Variants in JARID2 observed in about 807,000 individuals in gnomAD.
JARID2 encodes the protein protein Jumonji.
JARID2 carries 21 observed loss-of-function variants against 125.6 expected under a neutral mutation model. The ratio of observed to expected loss-of-function variants is 0.17; its 90% CI spans 0.12 to 0.24. The LOEUF (loss-of-function observed/expected upper bound fraction) is 0.24, where lower values mean the gene tolerates loss of function less well. JARID2 is among the 10% of genes least tolerant of loss of function. The pLI is 1.00. For synonymous variants in JARID2, 736 were observed against 661.6 expected, an observed-to-expected ratio of 1.11 and a Z score of -1.73; for missense variants, 1,303 against 1,639.6, an observed-to-expected ratio of 0.79 and a Z score of 3.55.
At chr6:15,359,263 C>CA (rs1291060950) in intron 1 of JARID2, among the ~76,000 whole-genome samples, 1 of 152,156 alleles carries the variant, frequency 6.6e-6, no homozygotes, top group Non-Finnish European at 1.5e-5. Context: ...AGTCTCCCTG[C>CA]AAGTCGTAGG....
chr6:15,511,464 G>T (rs951943079), intron 13 of JARID2, 63 bp downstream of exon 13: 26 of 1,123,624 alleles, frequency 2.3e-5, no homozygotes, highest in Non-Finnish European at 3.0e-5. Flanking sequence ...CTTGAACATG[G>T]TTTCCCATGA....
chr6:15,497,162 C>T lies in JARID2; in HGVS notation c.1937C>T (p.Pro646Leu). The change falls in exon 7 of 18, where the codon CCG becomes CTG. Residue 646 changes from proline to leucine, a missense_variant. Around this residue, in one of 11 missense-constraint regions of JARID2, gnomAD observed 64 missense variants for 166.8 expected, o/e 0.38. Transcript: ENST00000341776. ...KSQGITMDEL[P>L]LIGGCELDLA... Reference sequence around the variant, plus strand: ...CAGGGCATCACCATGGACGAGCTCCCGCTCATAGGTAGGTCTGGGCGGGGG... The same window carrying T: ...CAGGGCATCACCATGGACGAGCTCCTGCTCATAGGTAGGTCTGGGCGGGGG... 1 of 1,547,308 alleles carries T rather than the reference C, an allele frequency of 6.5e-7. No homozygotes were observed.
intron 5 of JARID2, 115 bp downstream of exon 5, chr6:15,468,833 T>C: frequency 1.0e-6 from 1 of 993,654 alleles, no homozygotes; most frequent in Non-Finnish European, 1.5e-6. Context: ...TGGGTACTTC[T>C]CCAGGGCCAG....
intron 9 of JARID2, among the ~76,000 whole-genome samples, chr6:15,506,502 A>G (rs1416277892): frequency 6.6e-6 from 1 of 152,146 alleles, no homozygotes; most frequent in East Asian, 1.9e-4. Context: ...TCTTCCCTAA[A>G]TGTGGTTCCA....
intron 1 of JARID2, among the ~76,000 whole-genome samples, chr6:15,355,197 G>T (rs899228635): frequency 6.6e-6 from 1 of 152,170 alleles, no homozygotes; most frequent in African/African-American, 2.4e-5. Flanking sequence ...CCTGTACTTT[G>T]TATTGATAAG....
chr6:15,365,196 A>G (rs1016709221), intron 1 of JARID2, among the ~76,000 whole-genome samples: 4 of 152,252 alleles, frequency 2.6e-5, no homozygotes, highest in East Asian at 1.9e-4. Flanking sequence ...ACACTGGCCA[A>G]TAATTTATTT....
chr6:15,382,486 A>C (rs777411156), intron 2 of JARID2, among the ~76,000 whole-genome samples: 21 of 152,214 alleles, frequency 1.4e-4, no homozygotes, highest in South Asian at 6.2e-4. Flanking sequence ...CTAGTGGGAC[A>C]AATGGCTGCA....
At chr6:15,269,668 A>G (rs1760223470) in intron 1 of JARID2, among the ~76,000 whole-genome samples, 1 of 151,806 alleles carries the variant, frequency 6.6e-6, no homozygotes, top group Admixed American at 6.6e-5. Context: ...CAGCCTCCCA[A>G]AGTGATGGGA....
chr6:15,310,687 TC>T (rs1761981627), intron 1 of JARID2, among the ~76,000 whole-genome samples: 1 of 152,218 alleles, frequency 6.6e-6, no homozygotes, highest in Non-Finnish European at 1.5e-5. Context: ...TCTGAGATCT[TC>T]CAGGAGATGG....
chr6:15,322,207 A>C (rs1026192466), intron 1 of JARID2, among the ~76,000 whole-genome samples: 14 of 152,246 alleles, frequency 9.2e-5, no homozygotes, highest in Admixed American at 2.6e-4. Flanking sequence ...GGCATGTAGA[A>C]TCATAGGGTC....
chr6:15,388,901 C>T (rs1764894495), intron 2 of JARID2, among the ~76,000 whole-genome samples: 2 of 152,030 alleles, frequency 1.3e-5, no homozygotes, highest in African/African-American at 2.4e-5. Flanking sequence ...GTGTGATCTG[C>T]CCTGCCCTTG....
intron 1 of JARID2, among the ~76,000 whole-genome samples, chr6:15,296,034 G>T (rs1012330778): frequency 6.6e-6 from 1 of 152,154 alleles, no homozygotes; most frequent in African/African-American, 2.4e-5. Flanking sequence ...CAGCCATTTC[G>T]TAAGGCTAGA....
intron 3 of JARID2, among the ~76,000 whole-genome samples, chr6:15,430,655 T>A (rs930753322): frequency 6.6e-6 from 1 of 152,190 alleles, no homozygotes; most frequent in Non-Finnish European, 1.5e-5. Context: ...GTGAAGGGCT[T>A]ATTGATAATC....
chr6:15,304,621 T>C (rs1255747364), intron 1 of JARID2, among the ~76,000 whole-genome samples: 5 of 152,052 alleles, frequency 3.3e-5, no homozygotes, highest in Admixed American at 3.3e-4. Flanking sequence ...TAATCATCTC[T>C]TTAAAAAAAT....
chr6:15,338,079 G>C (rs55679817), intron 1 of JARID2, among the ~76,000 whole-genome samples: 15 of 152,196 alleles, frequency 9.9e-5, no homozygotes, highest in Admixed American at 2.6e-4. Flanking sequence ...AAATGGAGGC[G>C]TAGGTGAGGG....
chr6:15,426,775 A>G (rs1312144492), intron 3 of JARID2, among the ~76,000 whole-genome samples: 1 of 152,216 alleles, frequency 6.6e-6, no homozygotes, highest in African/African-American at 2.4e-5. Flanking sequence ...AGCCTAATAG[A>G]TTCTTGGATA....
chr6:15,450,511 A>G (rs1440277208), intron 3 of JARID2, among the ~76,000 whole-genome samples: 4 of 152,240 alleles, frequency 2.6e-5, no homozygotes, highest in South Asian at 4.1e-4. Flanking sequence ...GTGGCATTGC[A>G]TTATCCATCC....
chr6:15,362,154 C>A (rs747234950), intron 1 of JARID2, among the ~76,000 whole-genome samples: 29 of 151,568 alleles, frequency 1.9e-4, no homozygotes, highest in Non-Finnish European at 3.4e-4. Context: ...TCCCAAAGTG[C>A]TGGAATTACA....
chr6:15,294,200 C>CT (rs1471700126), intron 1 of JARID2, among the ~76,000 whole-genome samples: 1 of 151,728 alleles, frequency 6.6e-6, no homozygotes. Flanking sequence ...CCCTTTTTTT[C>CT]TTTTTTTGAG....
Sources: gnomAD v4.1 joint callset for allele counts (sites outside exome capture counted in the v4.1 genomes callset) on GRCh38, gnomAD v4.1.1 for gene constraint, gnomAD v4.1.1 regional missense constraint, MANE v1.5 for transcripts, NCBI Gene and HGNC (gene_info 2026-07-23, HGNC 2026-07-21) for gene names.